Variants in SF3B1 observed in about 807,000 individuals in gnomAD.
SF3B1 encodes the protein pre-mRNA processing 10.
SF3B1 carries 12 observed loss-of-function variants against 153.8 expected under a neutral mutation model. That is an observed-to-expected ratio of 0.08 (90% CI 0.05 to 0.13). The LOEUF is 0.13. Ranked by LOEUF, SF3B1 falls within the 10% of genes least tolerant of loss-of-function variation. The pLI, the probability that SF3B1 is intolerant of heterozygous loss-of-function variation, is 1.00. For missense variants in SF3B1, 513 were observed against 1,606.1 expected, an observed-to-expected ratio of 0.32 and a Z score of 11.63; for synonymous variants, 498 against 525.2, an observed-to-expected ratio of 0.95 and a Z score of 0.71.
chr2:197,432,951 T>G (rs996047910), intron 1 of SF3B1, among the ~76,000 whole-genome samples: 8 of 152,204 alleles, frequency 5.3e-5, no homozygotes, highest in Non-Finnish European at 1.2e-4. Flanking sequence ...ATCTCAATCT[T>G]GGAGCTAAGG....
In SF3B1 at chr2:197,392,441, C is replaced by A. The variant is rs957702443; in HGVS notation, c.3777G>T (p.Arg1259=). ...TTTTCCAATATACATCTCTGACTTT[C>A]CGGGCTGGGTGAAACAGACCCTAAA... The part of the protein sequence containing the change: ...YCLQGLFHPA[R]KVRDVYWKIY... Residue 1259 remains arginine, a synonymous_variant, in exon 25 of 25, where the codon CGG becomes CGT. Transcript: ENST00000335508. The A allele has an allele frequency of 6.2e-7, 1 of 1,606,570 alleles. No homozygotes were observed. Among genetic ancestry groups the A allele is most frequent in the Admixed American group, 1.7e-5 (1 of 59,402 alleles).
intron 2 of SF3B1, among the ~76,000 whole-genome samples, chr2:197,421,726 C>T (rs1267517192): frequency 1.3e-5 from 2 of 152,068 alleles, no homozygotes; most frequent in African/African-American, 4.8e-5. Flanking sequence ...CATCTATAAT[C>T]CCAACACTTT....
chr2:197,398,255 GAGTT>G (rs1161923001), intron 21 of SF3B1, 139 bp from the exon 22 acceptor site: 8 of 859,296 alleles, frequency 9.3e-6, no homozygotes, highest in Non-Finnish European at 1.5e-5. Context: ...AAAGGCTGAA[GAGTT>G]AGTCTTACAG....
chr2:197,411,211 T>C (rs758423140), intron 6 of SF3B1, among the ~76,000 whole-genome samples: 11 of 152,292 alleles, frequency 7.2e-5, no homozygotes, highest in Admixed American at 1.3e-4. Context: ...CAGAGAGTAA[T>C]AGTTGGACAA....
intron 2 of SF3B1, among the ~76,000 whole-genome samples, chr2:197,423,510 C>T (rs1456290804): frequency 1.3e-5 from 2 of 152,124 alleles, no homozygotes; most frequent in Non-Finnish European, 2.9e-5. Flanking sequence ...CTCACACAGG[C>T]TACTCTAGAT....
Position 197,402,716 on chromosome 2 carries a change from C to A in SF3B1, c.1917G>T (p.Leu639=), listed in dbSNP as rs776797206. Residue 639 remains leucine (L), a synonymous_variant, in exon 14 of 25, where the codon CTG becomes CTT. Transcript: ENST00000335508. The surrounding 1 kb of genome is among the most constrained non-coding windows in gnomAD (Gnocchi z 4.6). ...ARAFAVVASA[L]GIPSLLPFLK... is the part of the protein sequence containing the mutation. Reference sequence around the variant, plus strand: ...AGAAGGGCAATAAAGAAGGAATGCCCAGGGCAGAGGCTACAACAGCAAAAG... The same window carrying A: ...AGAAGGGCAATAAAGAAGGAATGCCAAGGGCAGAGGCTACAACAGCAAAAG... 7 of 1,613,942 alleles carry A rather than the reference C, an allele frequency of 4.3e-6. No homozygotes were observed. The highest frequency in any genetic ancestry group is 5.9e-6 in the Non-Finnish European group (7 of 1,179,996).
Position 197,401,599 on chromosome 2 carries a change from AT to A in SF3B1, c.2371-75del. The A allele has an allele frequency of 6.7e-7, 1 of 1,501,402 alleles. No homozygotes were observed. The highest frequency in any genetic ancestry group is 9.1e-7 in the Non-Finnish European group (1 of 1,099,448). The allele number at this position is 1,501,402 out of a possible 1,614,324, so 93.0% of individuals were successfully genotyped here. ...GAGAATACTCATTGCTGATTACGTG[AT>A]TTTAAAAAATAAAATTTAAAAACAA... On this transcript the variant is annotated intron_variant, in intron 16 of 24. Coordinates refer to ENST00000335508, the MANE Select transcript of SF3B1 (RefSeq NM_012433.4). The surrounding 1 kb of genome is among the most constrained non-coding windows in gnomAD (Gnocchi z 4.2).
Position 197,402,811 on chromosome 2 carries a change from T to C in SF3B1, c.1822A>G (p.Thr608Ala). The change falls in exon 14 of 25, where the codon ACT becomes GCT. Residue 608 changes from threonine (T) to alanine (A), a missense_variant. By Grantham distance (58) the Thr-to-Ala change is moderately conservative (BLOSUM62 0). This residue lies in a region of SF3B1 where 34 missense variants were observed against 190.8 expected (regional missense o/e 0.18). Transcript: ENST00000335508. This position sits in a 1 kb window ranked among gnomAD's most constrained non-coding sequence, Gnocchi z 4.6. ...SNLAKAAGLA[T>A]MISTMRPDID... is the part of the protein sequence containing the mutation. ...TCAGGTCTCATGGTAGAGATCATAG[T>C]AGCCAGACCAGCAGCCTAAAATGTA... 1 of 1,613,442 alleles carries C rather than the reference T, an allele frequency of 6.2e-7. No homozygotes were observed. Among genetic ancestry groups the C allele is most frequent in the Non-Finnish European group, 8.5e-7 (1 of 1,179,404 alleles).
chr2:197,392,777 G>A (rs1251767157), intron 24 of SF3B1, among the ~76,000 whole-genome samples, 195 bp downstream of exon 24: 1 of 152,044 alleles, frequency 6.6e-6, no homozygotes, highest in African/African-American at 2.4e-5. Context: ...GGGGAAAGGG[G>A]AGGGAGAGCA....
intron 1 of SF3B1, among the ~76,000 whole-genome samples, chr2:197,431,048 T>C (rs2085424000): frequency 6.6e-6 from 1 of 151,736 alleles, no homozygotes; most frequent in South Asian, 2.1e-4. Flanking sequence ...GATAAAACTA[T>C]TTAACTGCTC....
At chr2:197,405,551 T>C in intron 9 of SF3B1, 79 bp from the exon 10 acceptor site, 1 of 986,322 alleles carries the variant, frequency 1.0e-6, no homozygotes, top group Non-Finnish European at 1.5e-6. Flanking sequence ...ACTTAAAATA[T>C]TTTAGTTTAT....
In SF3B1 at chr2:197,416,852, A is replaced by G; in HGVS notation, c.555T>C (p.Asn185=). ...ATGGAGGCTGGGACGCTGCTGCTCC[A>G]TTGACGACTTTTAGTTCTCCAGCTT... ...KAKAGELKVV[N]GAAASQPPSK... Residue 185 remains asparagine, a synonymous_variant, in exon 6 of 25, where the codon AAT becomes AAC. Transcript: ENST00000335508. The G allele has an allele frequency of 6.2e-7, 1 of 1,614,080 alleles. No individual in the cohort carries two copies. The highest frequency in any genetic ancestry group is 1.1e-5 in the South Asian group (1 of 91,076).
At chr2:197,427,105 A>G (rs2085347656) in intron 1 of SF3B1, among the ~76,000 whole-genome samples, 1 of 152,194 alleles carries the variant, frequency 6.6e-6, no homozygotes, top group African/African-American at 2.4e-5. Flanking sequence ...TTCCAATTAC[A>G]AAGGTTCATA....
At chr2:197,424,606 A>G (rs1270884482) in intron 1 of SF3B1, among the ~76,000 whole-genome samples, 1 of 151,998 alleles carries the variant, frequency 6.6e-6, no homozygotes, top group Non-Finnish European at 1.5e-5. Flanking sequence ...TTAACCCATG[A>G]TCCAATCAAG....
At chr2:197,392,798 T>C (rs1188678307) in intron 24 of SF3B1, among the ~76,000 whole-genome samples, 174 bp downstream of exon 24, 1 of 151,916 alleles carries the variant, frequency 6.6e-6, no homozygotes. Context: ...TTAGGACAAA[T>C]ACCTAATGCA....
At chr2:197,404,950 A>C (rs570269773) in intron 11 of SF3B1, 126 bp downstream of exon 11, 1 of 626,130 alleles carries the variant, frequency 1.6e-6, no homozygotes, top group African/African-American at 1.9e-5. Context: ...AGGTAGGCCA[A>C]AGCAGGAGGA....
chr2:197,420,647 G>T, intron 3 of SF3B1, 105 bp from the exon 4 acceptor site: 1 of 656,694 alleles, frequency 1.5e-6, no homozygotes, highest in Non-Finnish European at 2.6e-6. Flanking sequence ...TTTAATACAT[G>T]CCTACTAATA....
intron 11 of SF3B1, chr2:197,404,862 G>A: frequency 2.4e-6 from 1 of 411,532 alleles, no homozygotes; most frequent in Non-Finnish European, 4.5e-6. Context: ...ATTTCCTGGT[G>A]AAAAAATTAA....
rs1439570474 is a variant in SF3B1 at position 197,403,708 on chromosome 2, A to G, written c.1596T>C (p.Phe532=). ...KAREFGAGPL[F]NQILPLLMSP... Reference sequence around the variant, plus strand: ...ACATCAGCAGAGGAAGAATCTGATTAAACAAAGGACCAGCTCCAAATTCAC... The same window carrying G: ...ACATCAGCAGAGGAAGAATCTGATTGAACAAAGGACCAGCTCCAAATTCAC... Residue 532 remains phenylalanine, a synonymous_variant, in exon 12 of 25, where the codon TTT becomes TTC. Coordinates refer to ENST00000335508, the MANE Select transcript of SF3B1 (RefSeq NM_012433.4). 31 of 1,595,372 alleles carry G rather than the reference A, an allele frequency of 1.9e-5. No individual in the cohort carries two copies. The highest frequency in any genetic ancestry group is 2.5e-5 in the Non-Finnish European group (29 of 1,174,810).
Sources: allele counts gnomAD v4.1 joint callset (sites outside exome capture counted in the v4.1 genomes callset), GRCh38; gene constraint gnomAD v4.1.1; regional missense constraint gnomAD v4.1.1; non-coding constraint Gnocchi (gnomAD v3.1); transcripts MANE v1.5; gene names NCBI Gene and HGNC (gene_info 2026-07-23, HGNC 2026-07-21).